Variants in CBFA2T2 observed in about 807,000 individuals in gnomAD.
The protein encoded by CBFA2T2 is protein CBFA2T2.
Under a neutral mutation model 62.2 loss-of-function variants are expected in CBFA2T2, and 11 were observed. That is an observed-to-expected ratio of 0.18 (90% CI 0.11 to 0.29). CBFA2T2 has a LOEUF of 0.29. Ranked by LOEUF, CBFA2T2 falls within the 10% of genes least tolerant of loss-of-function variation. CBFA2T2 has a pLI of 1.00. For missense variants in CBFA2T2, 592 were observed against 774.1 expected (o/e 0.76, Z 2.79); for synonymous variants, 295 against 287.5 (o/e 1.03, Z -0.27).
At chr20:33,548,013 C>T (rs2012629640) in intron 1 of CBFA2T2, among the ~76,000 whole-genome samples, 1 of 152,054 alleles carries the variant, frequency 6.6e-6, no homozygotes, top group Non-Finnish European at 1.5e-5. Flanking sequence ...TCAAGCGATC[C>T]TTCCACCTCT....
intron 1 of CBFA2T2, among the ~76,000 whole-genome samples, chr20:33,517,985 G>T (rs924964081): frequency 5.9e-5 from 9 of 151,342 alleles, no homozygotes; most frequent in Admixed American, 1.3e-4. Flanking sequence ...GTCTCTCTCT[G>T]TCACCCAGGC....
At chr20:33,552,192 C>G (rs2012759331) in intron 1 of CBFA2T2, among the ~76,000 whole-genome samples, 1 of 151,702 alleles carries the variant, frequency 6.6e-6, no homozygotes, top group South Asian at 2.1e-4. Flanking sequence ...GGAATCTACA[C>G]ATTGTCATAT....
intron 10 of CBFA2T2, among the ~76,000 whole-genome samples, chr20:33,642,702 T>C (rs967831293): frequency 6.6e-6 from 1 of 152,214 alleles, no homozygotes; most frequent in African/African-American, 2.4e-5. Context: ...GTTTCTCTTC[T>C]CTATGTTTAA....
At position 33,508,557 on chromosome 20, in the gene CBFA2T2, C is replaced by T. The variant is rs181177301; in HGVS notation, c.34+18256C>T. Among the ~76,000 whole-genome samples the T allele has an allele frequency of 2.5e-3, 380 of 152,176 alleles. 2 individuals are homozygous for T. Among genetic ancestry groups the T allele is most frequent in the African/African-American group, 7.8e-3 (325 of 41,534 alleles). On this transcript the variant is annotated intron_variant, in intron 1 of 10. Transcript: ENST00000342704. The stretch of plus-strand genomic sequence containing the variant: ...TATTAGCCTAGTACCTGTTATTTTT[C>T]CTGATCCTCTCCCTCCTCCCACCCT...
At chr20:33,606,819 A>G in intron 1 of CBFA2T2, 137 bp from the exon 2 acceptor site, 2 of 731,748 alleles carry the variant, frequency 2.7e-6, no homozygotes, top group Non-Finnish European at 4.5e-6. Flanking sequence ...TGGGATGTGG[A>G]CATATCTTTT....
chr20:33,524,547 C>A (rs75446202), intron 1 of CBFA2T2, among the ~76,000 whole-genome samples: 2,275 of 152,172 alleles, frequency 0.015, 48 homozygotes, highest in African/African-American at 0.053. Flanking sequence ...CATGAACTTG[C>A]AAACGTTGTT....
intron 1 of CBFA2T2, among the ~76,000 whole-genome samples, chr20:33,512,743 T>C (rs2011531755): frequency 6.6e-6 from 1 of 151,700 alleles, no homozygotes; most frequent in Non-Finnish European, 1.5e-5. Context: ...GGTGCACGTA[T>C]GTATGTCTTT....
intron 1 of CBFA2T2, among the ~76,000 whole-genome samples, chr20:33,563,859 A>G (rs2013182775): frequency 6.6e-6 from 1 of 152,108 alleles, no homozygotes; most frequent in African/African-American, 2.4e-5. Flanking sequence ...TCTAGTTTTC[A>G]GGGCGCCCTT....
At chr20:33,620,535 A>C (rs1249126141) in intron 4 of CBFA2T2, among the ~76,000 whole-genome samples, 2 of 151,882 alleles carry the variant, frequency 1.3e-5, no homozygotes, top group Admixed American at 1.3e-4. Context: ...ATAAAAAAAG[A>C]AATATTTAAG....
intron 1 of CBFA2T2, among the ~76,000 whole-genome samples, chr20:33,539,309 A>G (rs1353734048): frequency 2.0e-5 from 3 of 152,210 alleles, no homozygotes; most frequent in Non-Finnish European, 2.9e-5. Flanking sequence ...GGTAGTCTGT[A>G]AATATTTAGT....
chr20:33,503,254 C>CTTTTTTTTTTTTTT (rs557746879), intron 1 of CBFA2T2, among the ~76,000 whole-genome samples: 1 of 108,644 alleles, frequency 9.2e-6, no homozygotes, highest in African/African-American at 3.7e-5. Flanking sequence ...TTCTTTCTTT[C>CTTTTTTTTTTTTTT]TTTTTTTTTT....
rs144747336 is a variant in CBFA2T2, at chr20:33,560,005, G to A, written c.35-46951G>A. Reference sequence around the variant, plus strand: ...TCCTTTTATTGGAAAATGCTATTTAGGATCCATAATCTGAGTGCTAGAAGT... The same window carrying A: ...TCCTTTTATTGGAAAATGCTATTTAAGATCCATAATCTGAGTGCTAGAAGT... On this transcript the variant is annotated intron_variant, in intron 1 of 10. Transcript: ENST00000342704. Among the ~76,000 whole-genome samples, 737 of 152,190 alleles carry A rather than the reference G, an allele frequency of 4.8e-3. 9 individuals carry two copies. Among genetic ancestry groups the A allele is most frequent in the African/African-American group, 0.016 (680 of 41,510 alleles).
At chr20:33,643,809 A>G (rs1411596930) in intron 10 of CBFA2T2, among the ~76,000 whole-genome samples, 15 of 27,274 alleles carry the variant, frequency 5.5e-4, no homozygotes, top group African/African-American at 1.4e-3. Flanking sequence ...ATATATATAT[A>G]TATATATAGT....
intron 1 of CBFA2T2, among the ~76,000 whole-genome samples, chr20:33,579,550 G>T (rs902620946): frequency 2.0e-5 from 3 of 148,972 alleles, no homozygotes; most frequent in African/African-American, 7.4e-5. Context: ...AACCCATCAC[G>T]AATCTTTTTT....
rs376257253 is a variant in CBFA2T2 at position 33,595,050 on chromosome 20, GCTA to G, written c.35-11903_35-11901del. On this transcript the variant is annotated intron_variant, in intron 1 of 10. Transcript: ENST00000342704. ...TTTACATTTTCAGGTCAGCTGTGTT[GCTA>G]CTGTTTTTAACTTGCATTAAGGTTA... is the stretch of plus-strand genomic sequence containing the variant. Among the ~76,000 whole-genome samples, 30 of 152,264 alleles carry G rather than the reference GCTA, an allele frequency of 2.0e-4. No homozygotes were observed. In the East Asian group the frequency reaches 3.9e-3, roughly 20 times the overall value.
At chr20:33,623,384 G>A (rs1003550171) in intron 5 of CBFA2T2, 88 bp downstream of exon 5, 10 of 1,492,920 alleles carry the variant, frequency 6.7e-6, no homozygotes, top group Non-Finnish European at 7.4e-6. Flanking sequence ...TTTGATTGCT[G>A]TGGTTGTAAT....
At chr20:33,495,930 A>G (rs1369079283) in intron 1 of CBFA2T2, among the ~76,000 whole-genome samples, 1 of 152,204 alleles carries the variant, frequency 6.6e-6, no homozygotes, top group African/African-American at 2.4e-5. Context: ...TAAAGTACTT[A>G]AAACCGTGCT....
At chr20:33,493,514 T>G (rs2011165023) in intron 1 of CBFA2T2, among the ~76,000 whole-genome samples, 1 of 152,162 alleles carries the variant, frequency 6.6e-6, no homozygotes, top group Non-Finnish European at 1.5e-5. Flanking sequence ...TTTTCTTTTT[T>G]TAAAACTGAG....
intron 1 of CBFA2T2, among the ~76,000 whole-genome samples, chr20:33,554,606 T>C (rs1484467175): frequency 1.1e-4 from 16 of 142,306 alleles, no homozygotes; most frequent in African/African-American, 3.1e-4. Context: ...TTTTCTTTTT[T>C]TTTTTTTTTT....
Sources: allele counts gnomAD v4.1 joint callset (sites outside exome capture counted in the v4.1 genomes callset), GRCh38; gene constraint gnomAD v4.1.1; transcripts MANE v1.5; gene names NCBI Gene and HGNC (gene_info 2026-07-23, HGNC 2026-07-21).